Variants in FAM78B observed in about 807,000 individuals in gnomAD.
FAM78B encodes family with sequence similarity 78 member B, also known as protein FAM78B.
FAM78B carries 10 observed loss-of-function variants against 20.0 expected under a neutral mutation model. The ratio of observed to expected loss-of-function variants is 0.50; its 90% CI spans 0.31 to 0.85. The LOEUF (loss-of-function observed/expected upper bound fraction) is 0.85. Among genes scored for constraint, FAM78B ranks in the 40% least tolerant of loss-of-function variants. FAM78B has a pLI of 0.05. For synonymous variants in FAM78B, 135 were observed against 132.8 expected, an observed-to-expected ratio of 1.02 and a Z score of -0.12; for missense variants, 283 against 345.0, an observed-to-expected ratio of 0.82 and a Z score of 1.42.
At chr1:166,115,036 C>T (rs1367980421) in intron 1 of FAM78B, among the ~76,000 whole-genome samples, 1 of 152,188 alleles carries the variant, frequency 6.6e-6, no homozygotes, top group East Asian at 1.9e-4. Flanking sequence ...TGTGGTATGA[C>T]TGTCCTCTCA....
At chr1:166,144,043 G>C (rs537756843) in intron 1 of FAM78B, among the ~76,000 whole-genome samples, 1 of 152,350 alleles carries the variant, frequency 6.6e-6, no homozygotes, top group African/African-American at 2.4e-5. Flanking sequence ...TAAGGCGTAA[G>C]TAATGATGAC....
At chr1:166,152,025 T>G (rs1026724664) in intron 1 of FAM78B, among the ~76,000 whole-genome samples, 1 of 152,218 alleles carries the variant, frequency 6.6e-6, no homozygotes, top group Non-Finnish European at 1.5e-5. Flanking sequence ...CCAGATTATC[T>G]AGAGTCTCTG....
intron 1 of FAM78B, among the ~76,000 whole-genome samples, chr1:166,089,863 TGGG>T (rs1454977435): frequency 1.3e-5 from 2 of 151,816 alleles, no homozygotes; most frequent in African/African-American, 4.8e-5. Context: ...ATAACCGCGG[TGGG>T]GGTTAAAGAG....
At chr1:166,104,085 A>G (rs951157091) in intron 1 of FAM78B, among the ~76,000 whole-genome samples, 11 of 152,176 alleles carry the variant, frequency 7.2e-5, no homozygotes, top group African/African-American at 2.7e-4. Flanking sequence ...GCATATAAAG[A>G]GAACCAACAA....
chr1:166,083,941 C>T (rs1571145592), intron 1 of FAM78B, among the ~76,000 whole-genome samples: 3 of 151,656 alleles, frequency 2.0e-5, no homozygotes, highest in African/African-American at 7.3e-5. Flanking sequence ...TGGCTGGGAC[C>T]TGAGCTTCTT....
intron 1 of FAM78B, among the ~76,000 whole-genome samples, chr1:166,153,311 G>A (rs1655757765): frequency 1.3e-5 from 2 of 152,214 alleles, no homozygotes; most frequent in African/African-American, 4.8e-5. Context: ...GGGGTCTGGG[G>A]AAGGGCATCT....
At chr1:166,067,679 C>G (rs1651851854), downstream of FAM78B, among the ~76,000 whole-genome samples, 1 of 152,170 alleles carries the variant, frequency 6.6e-6, no homozygotes, top group Admixed American at 6.5e-5. Context: ...ACAACAGTAA[C>G]TTGAAAATAA....
intron 1 of FAM78B, among the ~76,000 whole-genome samples, chr1:166,129,166 C>T (rs1446275555): frequency 6.6e-6 from 1 of 152,140 alleles, no homozygotes; most frequent in Non-Finnish European, 1.5e-5. Context: ...GTGCCCAGAG[C>T]CCCTGCTGTG....
intron 1 of FAM78B, among the ~76,000 whole-genome samples, chr1:166,139,927 A>G (rs1655217110): frequency 1.3e-5 from 2 of 152,208 alleles, no homozygotes; most frequent in African/African-American, 4.8e-5. Flanking sequence ...ATGCAAAGCC[A>G]GGTGGCAGCC....
At chr1:166,094,926 C>T (rs1230664424) in intron 1 of FAM78B, among the ~76,000 whole-genome samples, 6 of 152,110 alleles carry the variant, frequency 3.9e-5, no homozygotes, top group African/African-American at 1.4e-4. Context: ...ACCCTTCTGC[C>T]TAGTAGATAT....
At chr1:166,114,224 C>A (rs1654174307) in intron 1 of FAM78B, among the ~76,000 whole-genome samples, 1 of 152,138 alleles carries the variant, frequency 6.6e-6, no homozygotes, top group South Asian at 2.1e-4. Context: ...CAACTAAATT[C>A]TTGACACAAA....
chr1:166,073,930 T>C (rs574399779), intron 1 of FAM78B, among the ~76,000 whole-genome samples: 74 of 152,314 alleles, frequency 4.9e-4, no homozygotes, highest in African/African-American at 1.7e-3. Context: ...TAAGTGATAC[T>C]TGAATTTATC....
At position 166,166,633 on chromosome 1, in the gene FAM78B, A is replaced by AGCG. The variant is rs1557926116; in HGVS notation, c.-388_-386dup. 6.7e-6 allele frequency: 1 copy of AGCG among 149,914 alleles called. No individual in the cohort carries two copies. The highest frequency in any genetic ancestry group is 1.5e-5 in the Non-Finnish European group (1 of 67,150). 9.3% of individuals were successfully genotyped at this position (149,914 alleles called of 1,614,324 possible). A position where few individuals can be genotyped will look rare whatever the true frequency, so the allele number is the denominator to read the frequency against. On this transcript the variant is annotated 5_prime_UTR_variant, in exon 1 of 2. Coordinates refer to ENST00000354422, the MANE Select transcript of FAM78B (RefSeq NM_001017961.5). ...CCCTCGCCGGAGAGGAGGAGGCGGC[A>AGCG]GCGGCGGCGGCATGGAGCCGGGGGA...
chr1:166,114,928 T>C (rs1216074988), intron 1 of FAM78B, among the ~76,000 whole-genome samples: 26 of 152,208 alleles, frequency 1.7e-4, no homozygotes, highest in Admixed American at 1.7e-3. Context: ...AGTCTGGTCT[T>C]CTGGAACAAG....
At chr1:166,059,291 AGAG>A (rs1052574957) in exon 3 of FAM78B, 7 of 152,754 alleles carry the variant, frequency 4.6e-5, no homozygotes, top group African/African-American at 1.7e-4. Context: ...GAAGGTGCAG[AGAG>A]GAGAAGGGGC....
At chr1:166,079,505 G>T (rs1268841730) in intron 1 of FAM78B, among the ~76,000 whole-genome samples, 3 of 152,176 alleles carry the variant, frequency 2.0e-5, no homozygotes, top group East Asian at 3.9e-4. Context: ...TTTGTTGGGG[G>T]TGTGCATGGA....
chr1:166,155,900 G>A (rs1333067676), intron 1 of FAM78B, among the ~76,000 whole-genome samples: 1 of 152,178 alleles, frequency 6.6e-6, no homozygotes, highest in Admixed American at 6.5e-5. Context: ...CCCATGCAGA[G>A]GGCAAAGCAA....
chr1:166,062,975 G>A (rs929266021), intron 2 of FAM78B, among the ~76,000 whole-genome samples: 13 of 152,184 alleles, frequency 8.5e-5, no homozygotes, highest in African/African-American at 3.1e-4. Flanking sequence ...TTTTCCTAGC[G>A]CCTTTCCTTC....
At chr1:166,068,539 C>T (rs1651887727), downstream of FAM78B, among the ~76,000 whole-genome samples, 2 of 152,150 alleles carry the variant, frequency 1.3e-5, no homozygotes, top group African/African-American at 4.8e-5. Context: ...TCCCCTGGGA[C>T]TAGAATCTGA....
Sources: allele counts gnomAD v4.1 joint callset (sites outside exome capture counted in the v4.1 genomes callset), GRCh38; gene constraint gnomAD v4.1.1; transcripts MANE v1.5; gene names NCBI Gene and HGNC (gene_info 2026-07-23, HGNC 2026-07-21).